HLCS: variants seen among roughly 807,000 people sequenced by gnomAD.
The protein encoded by HLCS is biotin--protein ligase.
In HLCS, 53 loss-of-function variants were observed where a neutral mutation model predicts 75.0. That is an observed-to-expected ratio of 0.71 (90% CI 0.57 to 0.89). The LOEUF (loss-of-function observed/expected upper bound fraction) is 0.89. Among genes scored for constraint, HLCS ranks in the 40% least tolerant of loss-of-function variants. The pLI is 0.00. For missense variants in HLCS, 966 were observed against 1,074.0 expected, an observed-to-expected ratio of 0.90 and a Z score of 1.41; for synonymous variants, 431 against 428.6, an observed-to-expected ratio of 1.01 and a Z score of -0.07.
intron 6 of HLCS, among the ~76,000 whole-genome samples, chr21:36,782,416 T>C (rs761746302): frequency 1.3e-5 from 2 of 152,190 alleles, no homozygotes. Context: ...AATGAGTTTA[T>C]ATTAATGTGG....
rs899189843 is a variant in HLCS at position 36,844,917 on chromosome 21, G to A, written c.1892+51943C>T. 5.3e-5 allele frequency among the ~76,000 whole-genome samples: 8 copies of A among 152,088 alleles called. No individual in the cohort carries two copies. The East Asian group carries it at 7.7e-4, about 15-fold the overall frequency. Reference sequence around the variant, plus strand: ...CAGATGTTGGAGACCTATTAAAGACGGGGTTTCAAACATCTGCTTACAATT... The same window carrying A: ...CAGATGTTGGAGACCTATTAAAGACAGGGTTTCAAACATCTGCTTACAATT... On this transcript the variant is annotated intron_variant, in intron 6 of 10. Transcript: ENST00000674895.
intron 2 of HLCS, among the ~76,000 whole-genome samples, chr21:36,950,612 G>A (rs1468385369): frequency 6.7e-6 from 1 of 149,236 alleles, no homozygotes; most frequent in Non-Finnish European, 1.5e-5. Context: ...TGGGACCAAA[G>A]GCATACGCTA....
chr21:36,888,676 C>T (rs2409864), intron 6 of HLCS, among the ~76,000 whole-genome samples: 76,562 of 150,132 alleles, frequency 0.51, 21,063 homozygotes, highest in African/African-American at 0.72. Flanking sequence ...GAGGCTCTGG[C>T]GTGGGCGCAT....
intron 5 of HLCS, among the ~76,000 whole-genome samples, chr21:36,918,398 G>A (rs568346505): frequency 6.6e-6 from 1 of 152,312 alleles, no homozygotes; most frequent in East Asian, 1.9e-4. Context: ...AGGCAGAGAG[G>A]GTAAGAAGGA....
intron 5 of HLCS, among the ~76,000 whole-genome samples, chr21:36,924,056 G>A (rs1195946684): frequency 6.6e-6 from 1 of 152,146 alleles, no homozygotes; most frequent in Non-Finnish European, 1.5e-5. Flanking sequence ...AGGTGCACCT[G>A]GAATTCTGAC....
intron 6 of HLCS, among the ~76,000 whole-genome samples, chr21:36,780,066 C>A (rs1382234215): frequency 6.6e-6 from 1 of 152,126 alleles, no homozygotes; most frequent in African/African-American, 2.4e-5. Flanking sequence ...CAGAAAGTTA[C>A]CATTTTGTAG....
chr21:36,816,238 T>G (rs1480968915), intron 6 of HLCS, among the ~76,000 whole-genome samples: 1 of 151,972 alleles, frequency 6.6e-6, no homozygotes, highest in Admixed American at 6.6e-5. Context: ...ATAAAAAATT[T>G]TAAAAATTAG....
intron 6 of HLCS, among the ~76,000 whole-genome samples, chr21:36,880,758 C>T (rs912888011): frequency 6.6e-6 from 1 of 152,098 alleles, no homozygotes; most frequent in African/African-American, 2.4e-5. Context: ...AACAAAACAT[C>T]GAAATCCAAA....
At chr21:36,771,734 C>A (rs1377530715) in intron 6 of HLCS, among the ~76,000 whole-genome samples, 1 of 152,156 alleles carries the variant, frequency 6.6e-6, no homozygotes, top group African/African-American at 2.4e-5. Flanking sequence ...CGCGGTGGCT[C>A]ACGCCTATAA....
intron 5 of HLCS, among the ~76,000 whole-genome samples, chr21:36,902,528 C>T (rs994529841): frequency 2.0e-5 from 3 of 152,236 alleles, no homozygotes; most frequent in Non-Finnish European, 4.4e-5. Flanking sequence ...AACTGAAATT[C>T]GCTGCTCCCA....
intron 6 of HLCS, among the ~76,000 whole-genome samples, chr21:36,823,627 G>GTGTGTGTGTGTGTGTGTGTA (rs1334877457): frequency 6.6e-6 from 1 of 151,762 alleles, no homozygotes; most frequent in Non-Finnish European, 1.5e-5. Flanking sequence ...GTGTGTGTGT[G>GTGTGTGTGTGTGTGTGTGTA]TGTGTGTGTG....
At chr21:36,875,160 C>T (rs944340329) in intron 6 of HLCS, among the ~76,000 whole-genome samples, 12 of 150,876 alleles carry the variant, frequency 8.0e-5, no homozygotes, top group Non-Finnish European at 1.5e-4. Flanking sequence ...CTGGGCACCA[C>T]GGACAGCATG....
chr21:36,948,728 CAAAAAA>C lies in HLCS; in HGVS notation c.331-9740_331-9735del, dbSNP rs58685577. Reference sequence around the variant, plus strand: ...TGGATGACAGAATGAGACCCTGTCTCAAAAAAAAAAAAAAAAAAAAAAAAAAGACAA... The same window carrying C: ...TGGATGACAGAATGAGACCCTGTCTCAAAAAAAAAAAAAAAAAAAAGACAA... On this transcript the variant is annotated intron_variant, in intron 2 of 10. Coordinates refer to ENST00000674895, the MANE Select transcript of HLCS (RefSeq NM_001352514.2). Among the ~76,000 whole-genome samples, 5 of 55,880 alleles carry C rather than the reference CAAAAAA, an allele frequency of 8.9e-5. No homozygotes were observed. In the East Asian group the frequency reaches 1.8e-3, roughly 20 times the overall value. 36.7% of individuals were successfully genotyped at this position (55,880 alleles called of 152,430 possible). A position where few individuals can be genotyped will look rare whatever the true frequency, so the allele number is the denominator to read the frequency against.
rs2089340527 is a variant in HLCS, at chr21:36,750,775, AAACTT to A, written c.*3466_*3470del. On this transcript the variant is annotated 3_prime_UTR_variant, in exon 11 of 11. Transcript: ENST00000674895. ...AATGCTAATTATTCAAGCTGTTCCT[AAACTT>A]AAGTATGACATATAAGATTAAAATC... 1 of 151,140 alleles carries A rather than the reference AAACTT, an allele frequency of 6.6e-6. No homozygotes were observed. The highest frequency in any genetic ancestry group is 2.4e-5 in the African/African-American group (1 of 40,998). The allele number at this position is 151,140 out of a possible 1,614,324, so 9.4% of individuals were successfully genotyped here. A position where few individuals can be genotyped will look rare whatever the true frequency, so the allele number is the denominator to read the frequency against.
At position 36,913,877 on chromosome 21, in the gene HLCS, G is replaced by C. The variant is rs2065822270; in HGVS notation, c.1620+16374C>G. Reference sequence around the variant, plus strand: ...GAAATAAAGGTTTTATCATGTAAGTGAGCTACTGCTGACCTCACCCCTATC... The same window carrying C: ...GAAATAAAGGTTTTATCATGTAAGTCAGCTACTGCTGACCTCACCCCTATC... On this transcript the variant is annotated intron_variant, in intron 5 of 10. Transcript: ENST00000674895. Among the ~76,000 whole-genome samples, 2 of 152,182 alleles carry C rather than the reference G, an allele frequency of 1.3e-5. 1 individual carries two copies. Among genetic ancestry groups the C allele is most frequent in the South Asian group, 4.1e-4 (2 of 4,822 alleles).
At position 36,845,242 on chromosome 21, in the gene HLCS, G is replaced by A. The variant is rs536887843; in HGVS notation, c.1892+51618C>T. ...CTCCCATGCTCACAGCCGGCCACTC[G>A]GCCCCGATCAAAGCGGGTTCCATAT... On this transcript the variant is annotated intron_variant, in intron 6 of 10. Transcript: ENST00000674895. Among the ~76,000 whole-genome samples, 104 of 152,124 alleles carry A rather than the reference G, an allele frequency of 6.8e-4. 1 individual carries two copies. The South Asian group carries it at 0.019, about 28-fold the overall frequency.
At chr21:36,827,297 G>A (rs1225906902) in intron 6 of HLCS, among the ~76,000 whole-genome samples, 3 of 152,070 alleles carry the variant, frequency 2.0e-5, no homozygotes, top group African/African-American at 4.8e-5. Flanking sequence ...GGCCGGGCAC[G>A]GTGGCTCACA....
chr21:36,952,435 A>C (rs1175798390), intron 2 of HLCS, among the ~76,000 whole-genome samples: 1 of 152,146 alleles, frequency 6.6e-6, no homozygotes, highest in Non-Finnish European at 1.5e-5. Flanking sequence ...AAGTGAAATT[A>C]GTTAACTGGA....
chr21:36,783,956 G>A (rs1337084280), intron 6 of HLCS, among the ~76,000 whole-genome samples: 1 of 152,014 alleles, frequency 6.6e-6, no homozygotes, highest in East Asian at 1.9e-4. Flanking sequence ...TTTCTCCAAG[G>A]TCTTATAAAT....
Sources: allele counts gnomAD v4.1 joint callset (sites outside exome capture counted in the v4.1 genomes callset), GRCh38; gene constraint gnomAD v4.1.1; transcripts MANE v1.5; gene names NCBI Gene and HGNC (gene_info 2026-07-23, HGNC 2026-07-21).